The following FMN1 variants were observed in gnomAD, a reference collection of about 807,000 sequenced individuals.
The protein encoded by FMN1 is formin 1.
FMN1 carries 110 observed loss-of-function variants against 132.4 expected under a neutral mutation model. That is an observed-to-expected ratio of 0.83 (90% CI 0.71 to 0.97). The LOEUF is 0.97. FMN1 is among the 50% of genes least tolerant of loss of function. The pLI, the probability that FMN1 is intolerant of heterozygous loss-of-function variation, is 0.00. For synonymous variants in FMN1, 722 were observed against 651.7 expected, an observed-to-expected ratio of 1.11 and a Z score of -1.64; for missense variants, 1,792 against 1,705.3, an observed-to-expected ratio of 1.05 and a Z score of -0.90.
At chr15:32,868,569 T>G (rs1036484857) in intron 16 of FMN1, among the ~76,000 whole-genome samples, 1 of 152,178 alleles carries the variant, frequency 6.6e-6, no homozygotes. Flanking sequence ...CACATGACTG[T>G]ATGTATGTAT....
chr15:33,134,561 C>G (rs2140235160), intron 4 of FMN1, among the ~76,000 whole-genome samples: 1 of 152,270 alleles, frequency 6.6e-6, no homozygotes, highest in South Asian at 2.1e-4. Flanking sequence ...AAACAGTAGT[C>G]GATTGGGGTA....
In FMN1 at chr15:32,825,443, G is replaced by A. The variant is rs569523718; in HGVS notation, c.3929-21111C>T. On this transcript the variant is annotated intron_variant, in intron 17 of 20. Transcript: ENST00000616417. The stretch of plus-strand genomic sequence containing the variant: ...CAATCATGGTGTTCTTTCTGCGTAC[G>A]ATGTGTTTTTCTTCTATGCTTCCTA... 5.3e-5 allele frequency among the ~76,000 whole-genome samples: 8 copies of A among 152,246 alleles called. No homozygotes were observed. The South Asian group carries it at 1.0e-3, about 20-fold the overall frequency.
chr15:32,899,722 C>T (rs2060248604), intron 14 of FMN1: 1 of 516,004 alleles, frequency 1.9e-6, no homozygotes. Context: ...AGTTCAATAC[C>T]TGATTGTGTA....
chr15:32,969,000 G>T lies in FMN1; in HGVS notation c.2701C>A (p.Pro901Thr). ...APPMPPVSAG[P>T]PLPPPPPPPP... Reference sequence around the variant, plus strand: ...GGAGGAGGCGGAGGTGGTAGCGGTGGCCCAGCACTCACAGGTGGCATTGGA... The same window carrying T: ...GGAGGAGGCGGAGGTGGTAGCGGTGTCCCAGCACTCACAGGTGGCATTGGA... The change falls in exon 8 of 21, where the codon CCA becomes ACA. Residue 901 changes from proline to threonine, a missense_variant. Transcript: ENST00000616417. 1 of 1,130,894 alleles carries T rather than the reference G, an allele frequency of 8.8e-7. No homozygotes were observed. Among genetic ancestry groups the T allele is most frequent in the Non-Finnish European group, 1.3e-6 (1 of 796,018 alleles). The allele number at this position is 1,130,894 out of a possible 1,614,324, so 70.1% of individuals were successfully genotyped here. A position where few individuals can be genotyped will look rare whatever the true frequency, so the allele number is the denominator to read the frequency against.
At chr15:32,985,225 T>C (rs936420197) in intron 7 of FMN1, among the ~76,000 whole-genome samples, 4 of 152,134 alleles carry the variant, frequency 2.6e-5, no homozygotes, top group African/African-American at 9.7e-5. Context: ...ATTTGGTGGA[T>C]TTTTTCCTCA....
chr15:32,833,823 T>G (rs1485518732), intron 17 of FMN1, among the ~76,000 whole-genome samples: 3 of 152,164 alleles, frequency 2.0e-5, no homozygotes, highest in African/African-American at 7.2e-5. Context: ...GGCCACAATT[T>G]CAACTTCTGG....
chr15:32,920,341 C>T (rs1050717802), intron 10 of FMN1, among the ~76,000 whole-genome samples: 3 of 152,144 alleles, frequency 2.0e-5, no homozygotes, highest in African/African-American at 7.2e-5. Context: ...TATTCAGAGT[C>T]TCTCCTGGAC....
intron 4 of FMN1, among the ~76,000 whole-genome samples, chr15:33,128,277 A>G (rs1430069174): frequency 6.6e-6 from 1 of 152,194 alleles, no homozygotes; most frequent in Admixed American, 6.5e-5. Context: ...TAGAAGCGCA[A>G]CAGTTGGGAA....
At chr15:33,066,944 A>G (rs201033026) in intron 5 of FMN1, 1 of 1,614,000 alleles carries the variant, frequency 6.2e-7, no homozygotes, top group East Asian at 2.2e-5. Context: ...GGACTTCTGC[A>G]CAGGCTGCGT....
chr15:33,159,092 G>C (rs528691641), intron 3 of FMN1, among the ~76,000 whole-genome samples: 1 of 152,360 alleles, frequency 6.6e-6, no homozygotes, highest in South Asian at 2.1e-4. Context: ...TAAGGCATAA[G>C]AATTGCTTCA....
chr15:32,849,460 C>T (rs1050803212), intron 17 of FMN1, among the ~76,000 whole-genome samples: 4 of 150,684 alleles, frequency 2.7e-5, no homozygotes, highest in African/African-American at 5.0e-5. Context: ...TCAATACATA[C>T]AGACTTTTTT....
At chr15:32,933,194 A>G (rs2061166293) in intron 9 of FMN1, among the ~76,000 whole-genome samples, 1 of 152,086 alleles carries the variant, frequency 6.6e-6, no homozygotes, top group Non-Finnish European at 1.5e-5. Flanking sequence ...TGTTTGTCAC[A>G]AGATATTTTC....
chr15:33,011,719 T>G (rs1173896508), intron 6 of FMN1, among the ~76,000 whole-genome samples: 1 of 146,690 alleles, frequency 6.8e-6, no homozygotes, highest in Non-Finnish European at 1.5e-5. Flanking sequence ...AATCAAGATC[T>G]AGTGTAAATA....
chr15:32,933,154 A>G (rs1188692221), intron 9 of FMN1, among the ~76,000 whole-genome samples: 1 of 151,968 alleles, frequency 6.6e-6, no homozygotes, highest in African/African-American at 2.4e-5. Context: ...ATTGCATCCC[A>G]TATGTTTTGG....
chr15:33,066,549 T>C (rs2037735366), intron 5 of FMN1: 2 of 1,595,486 alleles, frequency 1.3e-6, no homozygotes, highest in African/African-American at 2.7e-5. Context: ...GGCTTAGAAT[T>C]GGACCGTTCA....
At chr15:32,918,217 A>T (rs1186714772) in intron 10 of FMN1, among the ~76,000 whole-genome samples, 1 of 152,156 alleles carries the variant, frequency 6.6e-6, no homozygotes, top group Non-Finnish European at 1.5e-5. Context: ...AATAATTGTA[A>T]TTTTACACTG....
At chr15:32,969,535 A>G in intron 7 of FMN1, 58 bp from the exon 8 acceptor site, 2 of 1,557,834 alleles carry the variant, frequency 1.3e-6, no homozygotes, top group Non-Finnish European at 1.7e-6. Flanking sequence ...AAACTTAAGA[A>G]TTTAGAAACT....
At position 32,901,980 on chromosome 15, in the gene FMN1, G is replaced by A. The variant is rs564275650; in HGVS notation, c.3438C>T (p.Phe1146=). 91 of 1,613,350 alleles carry A rather than the reference G, an allele frequency of 5.6e-5. 1 individual carries two copies. The South Asian group carries it at 8.4e-4, about 15-fold the overall frequency. ...TGATACCCTCAGAAAAGACAGATCT[G>A]AAGATTATGCACTGGGCACGTTCAG... ...NFAERAQCII[F]RSVFSEGITS... is the part of the protein sequence containing the mutation. The change falls in exon 13 of 21, where the codon TTC becomes TTT. Residue 1146 remains phenylalanine, a synonymous_variant. Coordinates refer to ENST00000616417, the MANE Select transcript of FMN1 (RefSeq NM_001277313.2).
Position 33,120,621 on chromosome 15 carries a change from C to T in FMN1, c.1868-31647G>A, listed in dbSNP as rs77013190. 3.3e-5 allele frequency among the ~76,000 whole-genome samples: 5 copies of T among 151,886 alleles called. No individual in the cohort carries two copies. The East Asian group carries it at 7.8e-4, about 24-fold the overall frequency. On this transcript the variant is annotated intron_variant, in intron 4 of 20. Transcript: ENST00000616417. ...GTGATACCAAGATACTGTTCGGCAG[C>T]TTTTGTTGTCTTTTCGTGTTCTGGT...
Sources: gnomAD v4.1 joint callset for allele counts (sites outside exome capture counted in the v4.1 genomes callset) on GRCh38, gnomAD v4.1.1 for gene constraint, MANE v1.5 for transcripts, NCBI Gene and HGNC (gene_info 2026-07-23, HGNC 2026-07-21) for gene names.